PRDM6: variants seen among roughly 807,000 people sequenced by gnomAD.
PRDM6 encodes PR/SET domain 6, also known as putative histone-lysine N-methyltransferase PRDM6.
A neutral mutation model predicts 60.8 loss-of-function variants in PRDM6; 25 were observed. The ratio of observed to expected loss-of-function variants is 0.41; its 90% CI spans 0.30 to 0.57. The LOEUF is 0.57. PRDM6 is among the 20% of genes least tolerant of loss of function. The pLI is 0.27. For synonymous variants in PRDM6, 407 were observed against 357.4 expected, an observed-to-expected ratio of 1.14 and a Z score of -1.57; for missense variants, 839 against 821.3, an observed-to-expected ratio of 1.02 and a Z score of -0.26.
At position 123,191,611 on chromosome 5, in the gene PRDM6, G is replaced by T. The variant is rs1352701250; in HGVS notation, c.*4410G>T. The T allele has an allele frequency of 6.6e-6, 1 of 152,098 alleles. No individual in the cohort carries two copies. The highest frequency in any genetic ancestry group is 2.4e-5 in the African/African-American group (1 of 41,402). The allele number at this position is 152,098 out of a possible 1,614,324, so 9.4% of individuals were successfully genotyped here. A position where few individuals can be genotyped will look rare whatever the true frequency, so the allele number is the denominator to read the frequency against. ...AATGATAACTGTAAGTTCCAGAAAT[G>T]TTATTCACTTGTCAGGATCCTTTTA... On this transcript the variant is annotated 3_prime_UTR_variant, in exon 8 of 8. Coordinates refer to ENST00000407847, the MANE Select transcript of PRDM6 (RefSeq NM_001136239.4).
At chr5:123,182,233 T>C (rs1414028887) in intron 7 of PRDM6, among the ~76,000 whole-genome samples, 1 of 152,218 alleles carries the variant, frequency 6.6e-6, no homozygotes, top group Non-Finnish European at 1.5e-5. Context: ...ACTTTGTCAT[T>C]GCCCTCAGGC....
intron 3 of PRDM6, among the ~76,000 whole-genome samples, chr5:123,130,541 A>G (rs1764808370): frequency 6.6e-6 from 1 of 150,926 alleles, no homozygotes; most frequent in African/African-American, 2.4e-5. Flanking sequence ...TAGTGACTTT[A>G]TTTAAATTCT....
intron 3 of PRDM6, among the ~76,000 whole-genome samples, chr5:123,147,308 A>AGAGAGAGAGAGAGAGAGAGAG (rs1561853193): frequency 2.7e-5 from 4 of 148,724 alleles, no homozygotes; most frequent in African/African-American, 7.7e-5. Flanking sequence ...AGAGAGAGAG[A>AGAGAGAGAGAGAGAGAGAGAG]AAACGAACAA....
intron 5 of PRDM6, among the ~76,000 whole-genome samples, chr5:123,161,341 A>T (rs1765626252): frequency 6.6e-6 from 1 of 152,232 alleles, no homozygotes; most frequent in South Asian, 2.1e-4. Context: ...GCCCTCATGG[A>T]GCTTACATTT....
At chr5:123,144,951 A>G (rs1313569067) in intron 3 of PRDM6, among the ~76,000 whole-genome samples, 1 of 152,082 alleles carries the variant, frequency 6.6e-6, no homozygotes, top group African/African-American at 2.4e-5. Context: ...TACCCATCCA[A>G]GCAGCCATCC....
At chr5:123,152,492 G>C (rs1765391048) in intron 3 of PRDM6, among the ~76,000 whole-genome samples, 1 of 152,126 alleles carries the variant, frequency 6.6e-6, no homozygotes, top group Non-Finnish European at 1.5e-5. Context: ...CTTGAATTTA[G>C]CCTGAGAGCC....
chr5:123,187,442 G>T lies in PRDM6; in HGVS notation c.*241G>T. ...TTTCAGTGGACAACTAACCTGGGAT[G>T]GTTAACATTTCCAGTCCCACCATGT... On this transcript the variant is annotated 3_prime_UTR_variant, in exon 8 of 8. Transcript: ENST00000407847. 3 of 307,844 alleles carry T rather than the reference G, an allele frequency of 9.7e-6. No individual in the cohort carries two copies. Among genetic ancestry groups the T allele is most frequent in the Non-Finnish European group, 1.9e-5 (3 of 161,792 alleles). The allele number at this position is 307,844 out of a possible 1,614,324, so 19.1% of individuals were successfully genotyped here.
intron 6 of PRDM6, among the ~76,000 whole-genome samples, chr5:123,176,616 G>A (rs1451775402): frequency 7.9e-5 from 12 of 152,138 alleles, no homozygotes; most frequent in African/African-American, 2.7e-4. Flanking sequence ...GAGGCTGAGA[G>A]GTGGAAGGAT....
rs60782131 is a variant in PRDM6 at position 123,100,326 on chromosome 5, G to A, written c.900+365G>A. ...ACAGCTGAGGAGATGGAGCAGCGGA[G>A]GGTGGGCATTAGAATGTTTGAGCTG... On this transcript the variant is annotated intron_variant, in intron 3 of 7. Coordinates refer to ENST00000407847, the MANE Select transcript of PRDM6 (RefSeq NM_001136239.4). Among the ~76,000 whole-genome samples the A allele has an allele frequency of 2.3e-3, 350 of 152,316 alleles. 2 individuals are homozygous for A. The highest frequency in any genetic ancestry group is 8.1e-3 in the African/African-American group (336 of 41,558).
At chr5:123,144,560 G>T (rs933125370) in intron 3 of PRDM6, among the ~76,000 whole-genome samples, 8 of 152,024 alleles carry the variant, frequency 5.3e-5, no homozygotes, top group African/African-American at 1.7e-4. Context: ...GAAGACTAGG[G>T]ATGGTAGCAG....
chr5:123,130,827 A>T (rs111698402), intron 3 of PRDM6, among the ~76,000 whole-genome samples: 1,793 of 152,306 alleles, frequency 0.012, 47 homozygotes, highest in African/African-American at 0.041. Flanking sequence ...TCGGCCTCCC[A>T]AAGTGCTGGG....
intron 7 of PRDM6, among the ~76,000 whole-genome samples, chr5:123,183,623 T>A (rs1766215584): frequency 6.6e-6 from 1 of 152,132 alleles, no homozygotes; most frequent in Admixed American, 6.6e-5. Flanking sequence ...AATTGGAGGA[T>A]CACATTGAAG....
chr5:123,179,372 GGAGGTGATGTTCAA>G (rs1381650562), intron 6 of PRDM6, among the ~76,000 whole-genome samples: 1 of 152,174 alleles, frequency 6.6e-6, no homozygotes, highest in Non-Finnish European at 1.5e-5. Context: ...ATTCAACTGG[GGAGGTGATGTTCAA>G]GAGAAAGATC....
At chr5:123,166,960 A>G (rs1440715290) in intron 5 of PRDM6, among the ~76,000 whole-genome samples, 1 of 152,186 alleles carries the variant, frequency 6.6e-6, no homozygotes, top group Non-Finnish European at 1.5e-5. Context: ...TTAATAACCC[A>G]TCTCTGCACC....
chr5:123,160,946 C>T (rs1427297228), intron 5 of PRDM6, among the ~76,000 whole-genome samples: 2 of 152,124 alleles, frequency 1.3e-5, no homozygotes, highest in Admixed American at 6.5e-5. Flanking sequence ...CTGTGCTCTG[C>T]CTCAAACAGA....
chr5:123,107,431 C>T (rs1275373891), intron 3 of PRDM6, among the ~76,000 whole-genome samples: 1 of 152,226 alleles, frequency 6.6e-6, no homozygotes, highest in Non-Finnish European at 1.5e-5. Flanking sequence ...ATACACACAT[C>T]AAGTTCACTT....
chr5:123,131,458 G>T (rs941279209), intron 3 of PRDM6, among the ~76,000 whole-genome samples: 1 of 152,054 alleles, frequency 6.6e-6, no homozygotes, highest in Non-Finnish European at 1.5e-5. Flanking sequence ...ATATGTACCA[G>T]TATTATATAA....
At chr5:123,145,099 T>C (rs1185139419) in intron 3 of PRDM6, among the ~76,000 whole-genome samples, 2 of 152,214 alleles carry the variant, frequency 1.3e-5, no homozygotes, top group Non-Finnish European at 2.9e-5. Flanking sequence ...CCTTGCATGC[T>C]TGTTTAATGC....
intron 3 of PRDM6, among the ~76,000 whole-genome samples, chr5:123,148,722 A>G (rs1765305218): frequency 6.6e-6 from 1 of 152,150 alleles, no homozygotes. Context: ...CACTAAATTG[A>G]CATTTGTTCT....
Sources: allele counts gnomAD v4.1 joint callset (sites outside exome capture counted in the v4.1 genomes callset), GRCh38; gene constraint gnomAD v4.1.1; transcripts MANE v1.5; gene names NCBI Gene and HGNC (gene_info 2026-07-23, HGNC 2026-07-21).